The following DPP6 variants were observed in gnomAD, a reference collection of about 807,000 sequenced individuals.
The protein encoded by DPP6 is dipeptidyl peptidase like 6, also known as A-type potassium channel modulatory protein DPP6.
Under a neutral mutation model 122.6 loss-of-function variants are expected in DPP6, and 69 were observed. The observed-to-expected ratio is 0.56, with a 90% CI of 0.46 to 0.69. The LOEUF is 0.69. DPP6 is among the 30% of genes least tolerant of loss of function. DPP6 has a pLI of 0.00. For missense variants in DPP6, 928 were observed against 1,116.9 expected (o/e 0.83, Z 2.41); for synonymous variants, 418 against 433.1 (o/e 0.97, Z 0.43).
At chr7:153,773,783 C>T in the DPP6 span, among the ~76,000 whole-genome samples, 1 of 149,474 alleles carries the variant, frequency 6.7e-6, no homozygotes, top group Non-Finnish European at 1.5e-5. Context: ...TCTAAGCTTC[C>T]CTCTTAAGAA....
intron 3 of DPP6, among the ~76,000 whole-genome samples, chr7:154,515,378 G>C (rs527818999): frequency 3.3e-5 from 5 of 152,166 alleles, no homozygotes; most frequent in Admixed American, 6.5e-5. Context: ...AGGGTCCACC[G>C]TGCATGAGAG....
chr7:154,378,725 A>T (rs924082829), intron 1 of DPP6, among the ~76,000 whole-genome samples: 1 of 152,238 alleles, frequency 6.6e-6, no homozygotes, highest in Non-Finnish European at 1.5e-5. Context: ...CTGAGACTGG[A>T]TAATTTTTGA....
At chr7:154,666,200 T>TATAC (rs1302353081) in intron 6 of DPP6, among the ~76,000 whole-genome samples, 1,050 of 102,544 alleles carry the variant, frequency 0.01, 10 homozygotes, top group African/African-American at 0.02. Context: ...TATATATATA[T>TATAC]ACACATATAC....
rs141787651 is a variant in DPP6, at chr7:154,606,236, A to G, written c.628-31585A>G. Among the ~76,000 whole-genome samples the G allele has an allele frequency of 1.9e-3, 234 of 120,842 alleles. 48 individuals are homozygous for G. Among genetic ancestry groups the G allele is most frequent in the African/African-American group, 5.5e-3 (208 of 38,126 alleles). 79.3% of individuals were successfully genotyped at this position (120,842 alleles called of 152,430 possible). ...ACCTATCAGTTTTTGAGAGCAATGT[A>G]TTAAACATCTTATAATTCTATACAC... On this transcript the variant is annotated intron_variant, in intron 5 of 25. Transcript: ENST00000377770.
chr7:153,965,972 G>A (rs146664459), intron 1 of DPP6, among the ~76,000 whole-genome samples: 1 of 151,376 alleles, frequency 6.6e-6, no homozygotes, highest in Non-Finnish European at 1.5e-5. Flanking sequence ...TACAGAGAAA[G>A]TCACACTAGA....
At chr7:154,278,318 G>A (rs1193856809) in intron 1 of DPP6, among the ~76,000 whole-genome samples, 1 of 152,168 alleles carries the variant, frequency 6.6e-6, no homozygotes, top group Non-Finnish European at 1.5e-5. Flanking sequence ...TCACACTCCA[G>A]AAAATTCTAA....
In DPP6 at chr7:154,789,238, AT is replaced by A. The variant is rs1023676230; in HGVS notation, c.1137-4832del. 2.6e-5 allele frequency among the ~76,000 whole-genome samples: 4 copies of A among 151,332 alleles called. No individual in the cohort carries two copies. In the South Asian group the frequency reaches 6.3e-4, roughly 24 times the overall value. The stretch of plus-strand genomic sequence containing the variant: ...CATGGATCGTCTGGGCTGAGTTGAC[AT>A]TTTTTTTTCTACCTTCTTAAGAATT... On this transcript the variant is annotated intron_variant, in intron 10 of 25. Transcript: ENST00000377770.
At chr7:153,877,379 A>G in the DPP6 span, among the ~76,000 whole-genome samples, 1 of 152,122 alleles carries the variant, frequency 6.6e-6, no homozygotes, top group Non-Finnish European at 1.5e-5. Flanking sequence ...CACACACACA[A>G]TTTTGTGTTT....
chr7:154,387,538 G>A (rs901488686), intron 1 of DPP6, among the ~76,000 whole-genome samples: 6 of 152,208 alleles, frequency 3.9e-5, no homozygotes, highest in African/African-American at 1.4e-4. Context: ...TCTCCAGGAG[G>A]ATCATGTGAT....
At chr7:154,010,322 A>G (rs1798102376) in intron 1 of DPP6, among the ~76,000 whole-genome samples, 1 of 152,268 alleles carries the variant, frequency 6.6e-6, no homozygotes, top group Admixed American at 6.5e-5. Context: ...TCTTATAGAC[A>G]CATACAACGG....
intron 1 of DPP6, among the ~76,000 whole-genome samples, chr7:154,031,893 G>A (rs75013852): frequency 0.032 from 4,406 of 139,650 alleles, 102 homozygotes; most frequent in East Asian, 0.056. Flanking sequence ...ACGGGGTCTC[G>A]CTCTGTCACC....
chr7:154,792,180 A>G (rs560085130), intron 10 of DPP6, among the ~76,000 whole-genome samples: 14 of 152,362 alleles, frequency 9.2e-5, no homozygotes, highest in Admixed American at 8.5e-4. Flanking sequence ...TGAGAGAGTA[A>G]GTGCAGGGTA....
In DPP6 at chr7:154,880,960, T is replaced by C. The variant is rs748750439; in HGVS notation, c.2133+18T>C. The C allele has an allele frequency of 2.5e-6, 4 of 1,613,614 alleles. No homozygotes were observed. The highest frequency in any genetic ancestry group is 3.4e-6 in the Non-Finnish European group (4 of 1,179,604). ...TTGGGAAGGTGAGTCTGCGCCACCC[T>C]GGTCTGAAAACCCCTCAGTTCCAGT... On this transcript the variant is annotated intron_variant, in intron 21 of 25. Transcript: ENST00000377770.
chr7:154,286,333 C>T (rs1452616754), intron 1 of DPP6, among the ~76,000 whole-genome samples: 8 of 152,228 alleles, frequency 5.3e-5, no homozygotes, highest in East Asian at 1.9e-4. Flanking sequence ...ACTGAACTCA[C>T]GGTCTGCAAC....
intron 1 of DPP6, among the ~76,000 whole-genome samples, chr7:154,264,533 T>C (rs1047570483): frequency 3.3e-5 from 5 of 152,304 alleles, no homozygotes; most frequent in South Asian, 2.1e-4. Context: ...ACTGTAAAGA[T>C]GAAAATTGTA....
intron 3 of DPP6, among the ~76,000 whole-genome samples, chr7:154,504,963 C>A (rs952415583): frequency 6.6e-6 from 1 of 152,096 alleles, no homozygotes; most frequent in African/African-American, 2.4e-5. Flanking sequence ...AAGTAAGGAT[C>A]ATAAATGTTT....
rs1554498771 is a variant in DPP6, at chr7:154,241,185, A to ATGTGTGTGTG, written c.243+188148_243+188157dup. Among the ~76,000 whole-genome samples the ATGTGTGTGTG allele has an allele frequency of 1.5e-3, 200 of 136,260 alleles. No individual in the cohort carries two copies. The highest frequency in any genetic ancestry group is 3.7e-3 in the South Asian group (14 of 3,828). 89.4% of individuals were successfully genotyped at this position (136,260 alleles called of 152,430 possible). On this transcript the variant is annotated intron_variant, in intron 1 of 25. Transcript: ENST00000377770. This position sits in a 1 kb window ranked among gnomAD's most constrained non-coding sequence, Gnocchi z 9.0. Reference sequence around the variant, plus strand: ...GCACAGTAGGTAATTCAATATCAATATGTGTGTGTGTGTGTGTGTGTGTGT... The same window carrying ATGTGTGTGTG: ...GCACAGTAGGTAATTCAATATCAATATGTGTGTGTGTGTGTGTGTGTGTGTGTGTGTGTGT...
At chr7:154,565,495 A>T (rs1452936765) in intron 4 of DPP6, among the ~76,000 whole-genome samples, 1 of 152,064 alleles carries the variant, frequency 6.6e-6, no homozygotes, top group East Asian at 1.9e-4. Context: ...GCATGAGAAA[A>T]CTAAGGTGCA....
intron 1 of DPP6, among the ~76,000 whole-genome samples, chr7:154,153,507 G>A (rs1392943289): frequency 6.6e-6 from 1 of 152,124 alleles, no homozygotes; most frequent in Admixed American, 6.6e-5. Context: ...TAGATAAAAG[G>A]CACTTGTTAC....
Sources: allele counts gnomAD v4.1 joint callset (sites outside exome capture counted in the v4.1 genomes callset), GRCh38; gene constraint gnomAD v4.1.1; non-coding constraint Gnocchi (gnomAD v3.1); transcripts MANE v1.5; gene names NCBI Gene and HGNC (gene_info 2026-07-23, HGNC 2026-07-21).